PCP4: variants seen among roughly 807,000 people sequenced by gnomAD.
PCP4 encodes Purkinje cell protein 4.
A neutral mutation model predicts 10.0 loss-of-function variants in PCP4; 8 were observed. The ratio of observed to expected loss-of-function variants is 0.80; its 90% CI spans 0.47 to 1.45. The LOEUF is 1.45. PCP4 is among the 40% of genes most tolerant of loss of function. The pLI, the probability that PCP4 is intolerant of heterozygous loss-of-function variation, is 0.00. For synonymous variants in PCP4, 21 were observed against 23.0 expected, an observed-to-expected ratio of 0.91 and a Z score of 0.24; for missense variants, 54 against 74.4, an observed-to-expected ratio of 0.73 and a Z score of 1.01.
chr21:39,925,723 G>C (rs987658779), intron 2 of PCP4, among the ~76,000 whole-genome samples: 1 of 152,110 alleles, frequency 6.6e-6, no homozygotes, highest in Non-Finnish European at 1.5e-5. Flanking sequence ...AGTAGAAAGG[G>C]CCCCCTGTAC....
At chr21:39,905,390 G>C (rs564447496) in intron 2 of PCP4, among the ~76,000 whole-genome samples, 4 of 152,334 alleles carry the variant, frequency 2.6e-5, no homozygotes, top group African/African-American at 9.6e-5. Context: ...TATTGATCCA[G>C]ATGGGGAAAA....
chr21:39,890,913 ATTTG>A (rs1360576441), intron 1 of PCP4, among the ~76,000 whole-genome samples: 2 of 152,056 alleles, frequency 1.3e-5, no homozygotes. Flanking sequence ...TTTCAAAGGA[ATTTG>A]TTTGTGGGAC....
At chr21:39,913,590 G>A (rs2837289) in intron 2 of PCP4, among the ~76,000 whole-genome samples, 73,741 of 152,084 alleles carry the variant, frequency 0.48, 18,447 homozygotes, top group Middle Eastern at 0.58. Context: ...CTTGCCATGC[G>A]TGAAAAGTGT....
chr21:39,923,205 T>C (rs2087605228), intron 2 of PCP4, among the ~76,000 whole-genome samples: 1 of 152,208 alleles, frequency 6.6e-6, no homozygotes, highest in Non-Finnish European at 1.5e-5. Context: ...AAGTCAAATG[T>C]AGTGGAGTTG....
At chr21:39,903,352 A>G (rs1257912509) in intron 2 of PCP4, among the ~76,000 whole-genome samples, 2 of 152,178 alleles carry the variant, frequency 1.3e-5, no homozygotes, top group East Asian at 3.9e-4. Context: ...CCTGATTTTA[A>G]GAAAAGAATC....
At chr21:39,928,365 C>T (rs756384378) in intron 2 of PCP4, among the ~76,000 whole-genome samples, 7 of 152,310 alleles carry the variant, frequency 4.6e-5, no homozygotes, top group Middle Eastern at 3.4e-3. Flanking sequence ...GTCCTGTCAC[C>T]GTGTGAATTG....
At chr21:39,869,622 G>A (rs1255416953) in intron 1 of PCP4, among the ~76,000 whole-genome samples, 1 of 152,032 alleles carries the variant, frequency 6.6e-6, no homozygotes, top group Non-Finnish European at 1.5e-5. Flanking sequence ...CATGGCCACC[G>A]CTCCTGGCTG....
At chr21:39,888,840 G>T (rs2087414576) in intron 1 of PCP4, among the ~76,000 whole-genome samples, 1 of 152,202 alleles carries the variant, frequency 6.6e-6, no homozygotes, top group South Asian at 2.1e-4. Context: ...CTGAGTCTGG[G>T]TACCTGTCTG....
intron 1 of PCP4, 96 bp downstream of exon 1, chr21:39,867,606 C>A: frequency 8.9e-7 from 1 of 1,120,592 alleles, no homozygotes; most frequent in Non-Finnish European, 1.4e-6. Flanking sequence ...CTTAGCAGTG[C>A]TGAGGAACAA....
At chr21:39,898,243 C>T (rs529294245) in intron 1 of PCP4, 3 of 553,204 alleles carry the variant, frequency 5.4e-6, no homozygotes, top group African/African-American at 3.8e-5. Context: ...TTACTGGTGA[C>T]CTGCATTCCT....
intron 1 of PCP4, among the ~76,000 whole-genome samples, chr21:39,885,270 G>A (rs536684753): frequency 2.4e-4 from 37 of 152,306 alleles, no homozygotes; most frequent in Non-Finnish European, 4.3e-4. Context: ...TGCTCCAGGG[G>A]GCTATTCAAC....
chr21:39,924,052 A>G (rs1445878075), intron 2 of PCP4, among the ~76,000 whole-genome samples: 2 of 152,178 alleles, frequency 1.3e-5, no homozygotes, highest in East Asian at 3.9e-4. Flanking sequence ...ACAGCTGACC[A>G]TGATGGCCAT....
chr21:39,872,673 C>A (rs1429893204), intron 1 of PCP4, among the ~76,000 whole-genome samples: 1 of 152,178 alleles, frequency 6.6e-6, no homozygotes, highest in Non-Finnish European at 1.5e-5. Flanking sequence ...AATTTTATGT[C>A]ATTCACAAGT....
chr21:39,887,076 G>T (rs1273194385), intron 1 of PCP4, among the ~76,000 whole-genome samples: 3 of 152,134 alleles, frequency 2.0e-5, no homozygotes, highest in Non-Finnish European at 2.9e-5. Flanking sequence ...GTGAAAAAAA[G>T]TATAAAATTA....
intron 2 of PCP4, among the ~76,000 whole-genome samples, chr21:39,905,523 A>G (rs2087502729): frequency 6.6e-6 from 1 of 152,202 alleles, no homozygotes; most frequent in African/African-American, 2.4e-5. Context: ...TACTTTAGGG[A>G]TTAGTGCTGA....
chr21:39,919,046 T>A (rs2299787), intron 2 of PCP4, among the ~76,000 whole-genome samples: 18 of 152,262 alleles, frequency 1.2e-4, no homozygotes, highest in Middle Eastern at 3.4e-3. Context: ...ACTAGACGCC[T>A]TATTCTCTGA....
chr21:39,892,479 C>T (rs1029419357), intron 1 of PCP4, among the ~76,000 whole-genome samples: 32 of 151,900 alleles, frequency 2.1e-4, no homozygotes, highest in African/African-American at 5.3e-4. Context: ...CTCCCTAGAG[C>T]CTCTGTCCTC....
chr21:39,898,559 T>C (rs1196279156), intron 2 of PCP4, 32 bp downstream of exon 2: 1 of 1,563,856 alleles, frequency 6.4e-7, no homozygotes, highest in East Asian at 2.2e-5. Flanking sequence ...AAGTTCTTTC[T>C]CTTTTGCCAT....
chr21:39,876,276 C>T (rs1023987128), intron 1 of PCP4, among the ~76,000 whole-genome samples: 16 of 152,076 alleles, frequency 1.1e-4, no homozygotes, highest in Non-Finnish European at 1.3e-4. Flanking sequence ...CTCTCCATTA[C>T]CCCGCCCCTA....
Sources: allele counts gnomAD v4.1 joint callset (sites outside exome capture counted in the v4.1 genomes callset), GRCh38; gene constraint gnomAD v4.1.1; transcripts MANE v1.5; gene names NCBI Gene and HGNC (gene_info 2026-07-23, HGNC 2026-07-21).